Variants in ITPK1 observed in about 807,000 individuals in gnomAD.
ITPK1 encodes inositol 1,3,4-trisphosphate 5/6-kinase.
Under a neutral mutation model 45.3 loss-of-function variants are expected in ITPK1, and 21 were observed. That is an observed-to-expected ratio of 0.46 (90% CI 0.33 to 0.67). ITPK1 has a LOEUF of 0.67. Ranked by LOEUF, ITPK1 falls within the 30% of genes least tolerant of loss-of-function variation. The pLI is 0.02. For synonymous variants in ITPK1, 258 were observed against 253.6 expected (o/e 1.02, Z -0.16); for missense variants, 474 against 573.5 (o/e 0.83, Z 1.77).
intron 3 of ITPK1, among the ~76,000 whole-genome samples, chr14:93,053,837 T>A (rs1890119214): frequency 6.6e-6 from 1 of 152,150 alleles, no homozygotes. Context: ...ATCTCCCAGG[T>A]GACTGTGATT....
chr14:92,966,002 T>A (rs1885334956), intron 5 of ITPK1, among the ~76,000 whole-genome samples: 1 of 152,124 alleles, frequency 6.6e-6, no homozygotes, highest in Admixed American at 6.5e-5. Context: ...AAACTCCATA[T>A]CAAAAAAAGA....
chr14:93,043,253 C>T (rs911079763), intron 3 of ITPK1, among the ~76,000 whole-genome samples: 1 of 152,188 alleles, frequency 6.6e-6, no homozygotes, highest in Non-Finnish European at 1.5e-5. Context: ...CCCAAGATCA[C>T]ACAGCTAAGG....
intron 8 of ITPK1, among the ~76,000 whole-genome samples, chr14:92,956,756 A>T (rs1485478857): frequency 1.3e-5 from 2 of 152,238 alleles, no homozygotes; most frequent in Non-Finnish European, 2.9e-5. Flanking sequence ...GACTTAAAGC[A>T]TTATTATTTT....
At position 93,114,257 on chromosome 14, in the gene ITPK1, T is replaced by C. The variant is rs559017425; in HGVS notation, c.95+812A>G. On this transcript the variant is annotated intron_variant, in intron 2 of 10. Coordinates refer to ENST00000267615, the MANE Select transcript of ITPK1 (RefSeq NM_014216.6). The stretch of plus-strand genomic sequence containing the variant: ...TACCTGACCCAAGACTCAGTAGTTC[T>C]GTAATTTATTAAGAACGTGATCTGT... 1.4e-3 allele frequency among the ~76,000 whole-genome samples: 207 copies of C among 152,360 alleles called. 1 individual carries two copies. The highest frequency in any genetic ancestry group is 4.8e-3 in the African/African-American group (198 of 41,584).
chr14:93,041,123 A>G (rs987797698), intron 3 of ITPK1, among the ~76,000 whole-genome samples: 4 of 152,190 alleles, frequency 2.6e-5, no homozygotes, highest in African/African-American at 7.2e-5. Context: ...GTGATTAGCC[A>G]GGCGCTGTCC....
chr14:93,010,795 C>A (rs866928418), intron 4 of ITPK1, among the ~76,000 whole-genome samples: 1 of 152,124 alleles, frequency 6.6e-6, no homozygotes, highest in African/African-American at 2.4e-5. Context: ...GTGGCTCGTA[C>A]GCATCATCAC....
intron 4 of ITPK1, among the ~76,000 whole-genome samples, chr14:93,005,250 A>G (rs1887554648): frequency 6.6e-6 from 1 of 152,094 alleles, no homozygotes; most frequent in Non-Finnish European, 1.5e-5. Context: ...CATCTTTTAT[A>G]CAGTGATCTC....
chr14:92,956,897 G>A (rs991717399), intron 8 of ITPK1, among the ~76,000 whole-genome samples: 1 of 152,170 alleles, frequency 6.6e-6, no homozygotes, highest in Non-Finnish European at 1.5e-5. Flanking sequence ...CCACCCAGTG[G>A]GCAGGGGCTG....
In ITPK1 at chr14:92,940,301, C is replaced by T; in HGVS notation, c.*1260G>A. On this transcript the variant is annotated 3_prime_UTR_variant, in exon 11 of 11. Coordinates refer to ENST00000267615, the MANE Select transcript of ITPK1 (RefSeq NM_014216.6). ...ACTTGTGGGGGCTGATGCCTCTCAC[C>T]CAGCACCCCACATCTTCCAGGACTG... is the stretch of plus-strand genomic sequence containing the variant. The T allele has an allele frequency of 1.0e-6, 1 of 990,230 alleles. No individual in the cohort carries two copies. Among genetic ancestry groups the T allele is most frequent in the Non-Finnish European group, 1.2e-6 (1 of 832,822 alleles). The allele number at this position is 990,230 out of a possible 1,614,324, so 61.3% of individuals were successfully genotyped here.
intron 2 of ITPK1, among the ~76,000 whole-genome samples, chr14:93,084,996 T>C (rs991129338): frequency 1.3e-5 from 2 of 152,214 alleles, no homozygotes; most frequent in African/African-American, 4.8e-5. Context: ...AGCATCCCTG[T>C]GCCCCCTGCA....
intron 7 of ITPK1, among the ~76,000 whole-genome samples, chr14:92,959,895 G>A (rs1884967468): frequency 6.6e-6 from 1 of 152,178 alleles, no homozygotes; most frequent in African/African-American, 2.4e-5. Flanking sequence ...GCGCGGGCTG[G>A]GATGCAGACG....
chr14:92,977,638 G>T (rs531476375), intron 5 of ITPK1, among the ~76,000 whole-genome samples: 1 of 150,030 alleles, frequency 6.7e-6, no homozygotes, highest in Non-Finnish European at 1.5e-5. Context: ...TCGAGATCTG[G>T]TTGCTTAAAA....
chr14:93,013,669 G>A (rs1888029726), intron 4 of ITPK1, among the ~76,000 whole-genome samples: 2 of 152,200 alleles, frequency 1.3e-5, no homozygotes, highest in Admixed American at 6.5e-5. Context: ...CAACAAAATG[G>A]GAGGACCCCA....
intron 3 of ITPK1, among the ~76,000 whole-genome samples, chr14:93,027,629 G>GC (rs1411890302): frequency 2.0e-5 from 3 of 152,146 alleles, no homozygotes; most frequent in Admixed American, 2.0e-4. Context: ...ACATGTGCAC[G>GC]CACGTGGACA....
At chr14:93,062,285 A>T (rs1054950683) in intron 3 of ITPK1, among the ~76,000 whole-genome samples, 2 of 151,310 alleles carry the variant, frequency 1.3e-5, no homozygotes, top group Non-Finnish European at 2.9e-5. Flanking sequence ...AAAAAACTGC[A>T]TCAAAGATGT....
chr14:93,013,687 G>A (rs1399179227), intron 4 of ITPK1, among the ~76,000 whole-genome samples: 2 of 152,184 alleles, frequency 1.3e-5, no homozygotes, highest in Non-Finnish European at 2.9e-5. Context: ...CCAGCTCTGG[G>A]TGCTGCTTCC....
At chr14:93,081,943 G>A (rs1048454406) in intron 2 of ITPK1, among the ~76,000 whole-genome samples, 1 of 152,170 alleles carries the variant, frequency 6.6e-6, no homozygotes, top group African/African-American at 2.4e-5. Context: ...ATCCTCATTC[G>A]AGGCCCACCC....
At chr14:92,977,588 G>A (rs1886013783) in intron 5 of ITPK1, among the ~76,000 whole-genome samples, 1 of 149,528 alleles carries the variant, frequency 6.7e-6, no homozygotes, top group African/African-American at 2.6e-5. Context: ...CATGGGGGTG[G>A]ATTTCCCCCT....
At chr14:92,997,046 T>C (rs1163763068) in intron 4 of ITPK1, among the ~76,000 whole-genome samples, 1 of 152,174 alleles carries the variant, frequency 6.6e-6, no homozygotes. Flanking sequence ...AGGGGAGCCA[T>C]TCTAGAACGG....
Sources: allele counts gnomAD v4.1 joint callset (sites outside exome capture counted in the v4.1 genomes callset), GRCh38; gene constraint gnomAD v4.1.1; transcripts MANE v1.5; gene names NCBI Gene and HGNC (gene_info 2026-07-23, HGNC 2026-07-21).